The following FREM2 variants were observed in gnomAD, a reference collection of about 807,000 sequenced individuals.
The protein encoded by FREM2 is FRAS1-related extracellular matrix protein 2.
A neutral mutation model predicts 219.9 loss-of-function variants in FREM2; 119 were observed. The ratio of observed to expected loss-of-function variants is 0.54; its 90% CI spans 0.47 to 0.63. The LOEUF is 0.63. FREM2 is among the 30% of genes least tolerant of loss of function. FREM2 has a pLI of 0.00. For synonymous variants in FREM2, 1,562 were observed against 1,522.8 expected (o/e 1.03, Z -0.60); for missense variants, 4,030 against 3,993.6 (o/e 1.01, Z -0.25).
rs1875630292 is a variant in FREM2 at position 38,813,568 on chromosome 13, T to TAC, written c.6019+28761_6019+28762insCA. 3.6e-5 allele frequency among the ~76,000 whole-genome samples: 3 copies of TAC among 83,778 alleles called. No individual in the cohort carries two copies. In the South Asian group the frequency reaches 1.3e-3, roughly 37 times the overall value. The allele number at this position is 83,778 out of a possible 152,430, so 55.0% of individuals were successfully genotyped here. A position where few individuals can be genotyped will look rare whatever the true frequency, so the allele number is the denominator to read the frequency against. ...CTCTCTCTCTCTCTCTCTCTCTATATATATATATATATATATATATATATC... is the reference window on the plus strand; with the variant it reads ...CTCTCTCTCTCTCTCTCTCTCTATATACATATATATATATATATATATATATC... On this transcript the variant is annotated intron_variant, in intron 6 of 23. Transcript: ENST00000280481.
intron 6 of FREM2, among the ~76,000 whole-genome samples, chr13:38,832,677 G>A (rs1027240759): frequency 2.6e-5 from 4 of 152,024 alleles, no homozygotes; most frequent in African/African-American, 7.2e-5. Flanking sequence ...TGTGCTCTAT[G>A]TAAAATTAAA....
At chr13:38,814,730 CT>C (rs1397465819) in intron 6 of FREM2, among the ~76,000 whole-genome samples, 1 of 152,184 alleles carries the variant, frequency 6.6e-6, no homozygotes, top group African/African-American at 2.4e-5. Flanking sequence ...ACTTTAGCAA[CT>C]TACCTGATGT....
chr13:38,690,401 C>A lies in FREM2; in HGVS notation c.3057C>A (p.Thr1019=). 1 of 1,614,132 alleles carries A rather than the reference C, an allele frequency of 6.2e-7. No homozygotes were observed. The highest frequency in any genetic ancestry group is 8.5e-7 in the Non-Finnish European group (1 of 1,179,962). Residue 1019 remains threonine (T), a synonymous_variant, in exon 1 of 24, where the codon ACC becomes ACA. Coordinates refer to ENST00000280481, the MANE Select transcript of FREM2 (RefSeq NM_207361.6). ...ILEGSVVYTH[T]SGEIGLLPKA... ...AGGGCTCTGTTGTATATACCCACAC[C>A]AGTGGTGAGATAGGCCTATTGCCTA...
At chr13:38,745,530 TTTCC>T (rs1872431035) in intron 2 of FREM2, among the ~76,000 whole-genome samples, 1 of 152,218 alleles carries the variant, frequency 6.6e-6, no homozygotes, top group South Asian at 2.1e-4. Flanking sequence ...TATTTCAGTT[TTTCC>T]TATATGGTTT....
At chr13:38,841,068 G>T (rs1028629389) in intron 6 of FREM2, among the ~76,000 whole-genome samples, 1 of 152,108 alleles carries the variant, frequency 6.6e-6, no homozygotes, top group Non-Finnish European at 1.5e-5. Flanking sequence ...CTGATGTACA[G>T]CACAACTTTG....
chr13:38,791,266 C>T (rs1874549103), intron 6 of FREM2, among the ~76,000 whole-genome samples: 2 of 152,132 alleles, frequency 1.3e-5, no homozygotes, highest in African/African-American at 4.8e-5. Context: ...TGAAAAGAGT[C>T]TAGGCCAGGA....
chr13:38,688,273 G>A lies in FREM2; in HGVS notation c.929G>A (p.Arg310Gln), dbSNP rs1411588153. 1.2e-6 allele frequency: 2 copies of A among 1,614,088 alleles called. No homozygotes were observed. Among genetic ancestry groups the A allele is most frequent in the Admixed American group, 1.7e-5 (1 of 60,032 alleles). ...REHFQVLVRI[R>Q]GGAENTAPKP... ...CACTTCCAGGTTCTGGTGAGGATCC[G>A]AGGAGGGGCCGAGAACACTGCACCC... The change falls in exon 1 of 24, where the codon CGA (arginine) becomes CAA (glutamine). Residue 310 changes from arginine (R) to glutamine (Q), a missense_variant. Around this residue, in one of 2 missense-constraint regions of FREM2, gnomAD observed 3,102 missense variants for 2,950.7 expected, o/e 1.05. Coordinates refer to ENST00000280481, the MANE Select transcript of FREM2 (RefSeq NM_207361.6).
In FREM2 at chr13:38,876,117, G is replaced by A. The variant is rs1477633414; in HGVS notation, c.8377G>A (p.Val2793Ile). The A allele has an allele frequency of 3.7e-6, 6 of 1,613,994 alleles. No homozygotes were observed. The African/African-American group carries it at 6.7e-5, about 18-fold the overall frequency. Residue 2793 changes from valine (V) to isoleucine (I), a missense_variant, in exon 19 of 24, where the codon GTA becomes ATA. Val to Ile is a conservative substitution (Grantham distance 29). This residue lies in a region of FREM2 where 928 missense variants were observed against 1,042.9 expected (regional missense o/e 0.89). Transcript: ENST00000280481. ...GAGTGAACCAACCTATAACCAGCCAGTACAGCAGTGGAGCTTTGTCTCTGA... is the reference window on the plus strand; with the variant it reads ...GAGTGAACCAACCTATAACCAGCCAATACAGCAGTGGAGCTTTGTCTCTGA... ...IRSEPTYNQP[V>I]QQWSFVSDFA... is the part of the protein sequence containing the mutation.
chr13:38,711,951 G>A (rs536443154), intron 2 of FREM2, among the ~76,000 whole-genome samples: 34 of 127,222 alleles, frequency 2.7e-4, no homozygotes, highest in Non-Finnish European at 4.0e-4. Flanking sequence ...GGGGATTCTC[G>A]CTCTGTTGCC....
rs755349453 is a variant in FREM2, at chr13:38,688,785, C to T, written c.1441C>T (p.Leu481=). 1 of 1,614,066 alleles carries T rather than the reference C, an allele frequency of 6.2e-7. No homozygotes were observed. Among genetic ancestry groups the T allele is most frequent in the South Asian group, 1.1e-5 (1 of 91,076 alleles). Residue 481 remains leucine (L), a synonymous_variant, in exon 1 of 24, where the codon CTA becomes TTA. Coordinates refer to ENST00000280481, the MANE Select transcript of FREM2 (RefSeq NM_207361.6). ...SDEDDLEAVR[L]EVVAGLRHGH... ...TGAGGATGACCTAGAAGCAGTGCGG[C>T]TAGAGGTGGTGGCTGGGCTCCGGCA...
intron 6 of FREM2, among the ~76,000 whole-genome samples, chr13:38,843,475 T>TTAAA (rs1877036847): frequency 6.6e-6 from 1 of 151,836 alleles, no homozygotes. Context: ...AAGAGGTGAG[T>TTAAA]TAAAAGTCTT....
intron 1 of FREM2, among the ~76,000 whole-genome samples, chr13:38,697,435 A>G (rs921970248): frequency 6.6e-6 from 1 of 152,168 alleles, no homozygotes; most frequent in Non-Finnish European, 1.5e-5. Flanking sequence ...GAACATGCAA[A>G]TACCACTGGG....
At chr13:38,740,633 C>T (rs1172880856) in intron 2 of FREM2, among the ~76,000 whole-genome samples, 3 of 152,162 alleles carry the variant, frequency 2.0e-5, no homozygotes, top group African/African-American at 7.2e-5. Context: ...CATTATAGCA[C>T]CTGTCATGAC....
Position 38,697,787 on chromosome 13 carries a change from G to A in FREM2, c.5263G>A (p.Gly1755Ser). ...GTTCTATTTTGCAGTTGAAGATGGTGGTAAGTATTCCCCTCTCCTGGTAGT... is the reference window on the plus strand; with the variant it reads ...GTTCTATTTTGCAGTTGAAGATGGTAGTAAGTATTCCCCTCTCCTGGTAGT... ...DMFYFAVEDG[G>S]GNKLTYQNFR... The change falls in exon 2 of 24, where the codon GGT (glycine) becomes AGT (serine). Residue 1755 changes from glycine (G) to serine (S), a missense_variant and splice_region_variant. Transcript: ENST00000280481. 6.4e-7 allele frequency: 1 copy of A among 1,572,010 alleles called. No individual in the cohort carries two copies. Among genetic ancestry groups the A allele is most frequent in the South Asian group, 1.1e-5 (1 of 90,224 alleles).
intron 2 of FREM2, among the ~76,000 whole-genome samples, chr13:38,742,213 A>C (rs1872276286): frequency 6.6e-6 from 1 of 152,252 alleles, no homozygotes; most frequent in African/African-American, 2.4e-5. Flanking sequence ...GAATAGATGA[A>C]TAGAGATGTA....
At chr13:38,784,145 A>T (rs903920724) in intron 5 of FREM2, among the ~76,000 whole-genome samples, 4 of 152,212 alleles carry the variant, frequency 2.6e-5, no homozygotes, top group African/African-American at 7.2e-5. Flanking sequence ...CGGGGTCCAG[A>T]CCAAGTGGTT....
rs763330245 is a variant in FREM2 at position 38,878,936 on chromosome 13, G to A, written c.8965G>A (p.Gly2989Arg). 56 of 1,613,996 alleles carry A rather than the reference G, an allele frequency of 3.5e-5. No homozygotes were observed. Among genetic ancestry groups the A allele is most frequent in the Non-Finnish European group, 4.5e-5 (53 of 1,179,980 alleles). Residue 2989 changes from glycine to arginine, a missense_variant, in exon 23 of 24, where the codon GGA (glycine) becomes AGA (arginine). Transcript: ENST00000280481. Reference protein sequence around the residue: ...PEAILLVNQPGSDGFKVDSTP... With the variant: ...PEAILLVNQPRSDGFKVDSTP... ...AGCCATTCTCTTAGTGAATCAGCCT[G>A]GATCTGATGGATTTAAAGTCGACTC...
At chr13:38,851,650 A>G (rs1877374747) in intron 10 of FREM2, 36 bp from the exon 11 acceptor site, 1 of 1,460,866 alleles carries the variant, frequency 6.8e-7, no homozygotes, top group Non-Finnish European at 9.6e-7. Context: ...TCCCCTTACT[A>G]ACAATTTCAT....
chr13:38,867,433 ATTAAATGGTAATACAATTT>A (rs1878008753), intron 16 of FREM2, among the ~76,000 whole-genome samples: 1 of 152,256 alleles, frequency 6.6e-6, no homozygotes, highest in Non-Finnish European at 1.5e-5. Flanking sequence ...CTTATTGTAA[ATTAAATGGTAATACAATTT>A]AATAAAACAT....
Sources: gnomAD v4.1 joint callset for allele counts (sites outside exome capture counted in the v4.1 genomes callset) on GRCh38, gnomAD v4.1.1 for gene constraint, gnomAD v4.1.1 regional missense constraint, MANE v1.5 for transcripts, NCBI Gene and HGNC (gene_info 2026-07-23, HGNC 2026-07-21) for gene names.